Variants in DAB2IP observed in about 807,000 individuals in gnomAD.
The protein encoded by DAB2IP is DAB2 interacting protein.
DAB2IP carries 28 observed loss-of-function variants against 107.2 expected under a neutral mutation model. The observed-to-expected ratio is 0.26, with a 90% CI of 0.19 to 0.36. DAB2IP has a LOEUF of 0.36. DAB2IP is among the 10% of genes least tolerant of loss of function. The pLI, the probability that DAB2IP is intolerant of heterozygous loss-of-function variation, is 1.00. For missense variants in DAB2IP, 1,400 were observed against 1,644.7 expected (o/e 0.85, Z 2.57); for synonymous variants, 755 against 706.4 (o/e 1.07, Z -1.09).
intron 1 of DAB2IP, among the ~76,000 whole-genome samples, chr9:121,639,386 C>A (rs1376209659): frequency 6.6e-6 from 1 of 152,240 alleles, no homozygotes; most frequent in African/African-American, 2.4e-5. Context: ...GCTGTATTGC[C>A]TCAGATGGGA....
Position 121,635,787 on chromosome 9 carries a change from C to T in DAB2IP, c.41-42891C>T, listed in dbSNP as rs1004752306. Among the ~76,000 whole-genome samples, 1 of 151,992 alleles carries T rather than the reference C, an allele frequency of 6.6e-6. No individual in the cohort carries two copies. The highest frequency in any genetic ancestry group is 1.5e-5 in the Non-Finnish European group (1 of 67,994). On this transcript the variant is annotated intron_variant, in intron 1 of 16. Coordinates refer to the DAB2IP transcript ENST00000259371. This position sits in a 1 kb window ranked among gnomAD's most constrained non-coding sequence, Gnocchi z 4.3. ...CCAGCCCCACGCAGAGCCTTAAAGA[C>T]GCAGCCATGGGCATCCCCTGCAGGG...
chr9:121,689,402 G>T (rs923183652), intron 2 of DAB2IP, among the ~76,000 whole-genome samples: 4 of 152,046 alleles, frequency 2.6e-5, no homozygotes, highest in African/African-American at 9.7e-5. Flanking sequence ...TCACCCAGGA[G>T]AAATAGCCTA....
chr9:121,760,468 C>T lies in DAB2IP; in HGVS notation c.1170+29C>T, dbSNP rs576375444. On this transcript the variant is annotated intron_variant, in intron 6 of 15. Coordinates refer to ENST00000408936, the Ensembl canonical transcript of DAB2IP. The surrounding 1 kb of genome is among the most constrained non-coding windows in gnomAD (Gnocchi z 5.9). Reference sequence around the variant, plus strand: ...CGTGCAGGCCCCTCGGCTCCTGACACAGGCTGGGCGGCAGCACTGGGTTAC... The same window carrying T: ...CGTGCAGGCCCCTCGGCTCCTGACATAGGCTGGGCGGCAGCACTGGGTTAC... The T allele has an allele frequency of 1.9e-6, 3 of 1,549,138 alleles. No homozygotes were observed. The highest frequency in any genetic ancestry group is 2.6e-6 in the Non-Finnish European group (3 of 1,152,572).
intron 2 of DAB2IP, among the ~76,000 whole-genome samples, chr9:121,697,645 C>T (rs1421026235): frequency 6.6e-6 from 1 of 152,158 alleles, no homozygotes; most frequent in Non-Finnish European, 1.5e-5. Context: ...ATATTTGTGG[C>T]GGCTGATTAG....
At chr9:121,744,130 C>A (rs1040715629) in intron 3 of DAB2IP, among the ~76,000 whole-genome samples, 4 of 152,148 alleles carry the variant, frequency 2.6e-5, no homozygotes, top group African/African-American at 9.7e-5. Context: ...GTGGCCGAAC[C>A]TTTGGCTGGC....
At chr9:121,697,808 A>G (rs1034231161) in intron 2 of DAB2IP, among the ~76,000 whole-genome samples, 1 of 152,206 alleles carries the variant, frequency 6.6e-6, no homozygotes, top group African/African-American at 2.4e-5. Context: ...TCCTGTGGAT[A>G]TGAATGGCTG....
intron 10 of DAB2IP, among the ~76,000 whole-genome samples, chr9:121,770,150 C>G (rs564734354): frequency 2.6e-5 from 4 of 152,184 alleles, no homozygotes; most frequent in Non-Finnish European, 5.9e-5. Context: ...CAGGCCCCAG[C>G]CCATCCCGTG....
chr9:121,586,544 A>G (rs1375776287), intron 1 of DAB2IP, among the ~76,000 whole-genome samples: 2 of 152,102 alleles, frequency 1.3e-5, no homozygotes, highest in Non-Finnish European at 2.9e-5. Flanking sequence ...GAAACCTGTT[A>G]TGCAGCCTGA....
intron 1 of DAB2IP, among the ~76,000 whole-genome samples, chr9:121,584,744 G>A (rs974779733): frequency 2.0e-5 from 3 of 152,232 alleles, no homozygotes; most frequent in Non-Finnish European, 2.9e-5. Flanking sequence ...AGTGGGAAGC[G>A]GGGCGCAGAG....
chr9:121,694,066 G>C (rs538975137), intron 2 of DAB2IP, among the ~76,000 whole-genome samples: 1 of 152,296 alleles, frequency 6.6e-6, no homozygotes, highest in East Asian at 1.9e-4. Flanking sequence ...GGGAGCCCCT[G>C]TGGGACAGCT....
At chr9:121,653,704 A>G (rs908576860) in intron 1 of DAB2IP, among the ~76,000 whole-genome samples, 3 of 151,292 alleles carry the variant, frequency 2.0e-5, no homozygotes, top group African/African-American at 7.3e-5. Flanking sequence ...GCCCAGTTCC[A>G]TCCCTGACTG....
chr9:121,769,384 C>T (rs77228983), intron 10 of DAB2IP, among the ~76,000 whole-genome samples: 2,801 of 152,330 alleles, frequency 0.018, 56 homozygotes, highest in Middle Eastern at 0.031. Flanking sequence ...GGCGCACACA[C>T]ATAGAGCTCT....
At chr9:121,641,909 C>CTTTCTTTCTTTCTTT (rs1832312474) in intron 1 of DAB2IP, among the ~76,000 whole-genome samples, 1 of 131,480 alleles carries the variant, frequency 7.6e-6, no homozygotes, top group Admixed American at 7.8e-5. Context: ...TTCTTTCTTT[C>CTTTCTTTCTTTCTTT]TTTCTTTCTT....
At position 121,782,225 on chromosome 9, in the gene DAB2IP, G is replaced by A; in HGVS notation, c.3403-106G>A. The A allele has an allele frequency of 2.0e-6, 3 of 1,509,982 alleles. No individual in the cohort carries two copies. The highest frequency in any genetic ancestry group is 1.4e-5 in the African/African-American group (1 of 72,168). The allele number at this position is 1,509,982 out of a possible 1,614,324, so 93.5% of individuals were successfully genotyped here. On this transcript the variant is annotated intron_variant, in intron 15 of 15. Coordinates refer to ENST00000408936, the Ensembl canonical transcript of DAB2IP. The surrounding 1 kb of genome is among the most constrained non-coding windows in gnomAD (Gnocchi z 6.1). ...GCTGCTCACAGCCCGGAGCCTGCCTGCCACCCTCATCTCCAGGCCACCCCC... is the reference window on the plus strand; with the variant it reads ...GCTGCTCACAGCCCGGAGCCTGCCTACCACCCTCATCTCCAGGCCACCCCC...
At chr9:121,722,404 C>T (rs1589582699) in intron 3 of DAB2IP, among the ~76,000 whole-genome samples, 1 of 152,182 alleles carries the variant, frequency 6.6e-6, no homozygotes, top group South Asian at 2.1e-4. Context: ...TCGGGGCCTG[C>T]AGTTATGACT....
chr9:121,637,169 G>A (rs1248164240), intron 1 of DAB2IP, among the ~76,000 whole-genome samples: 1 of 152,212 alleles, frequency 6.6e-6, no homozygotes, highest in African/African-American at 2.4e-5. Flanking sequence ...TAGTGTCTCT[G>A]AGGCTTGATT....
At chr9:121,783,738 C>A in exon 16 of DAB2IP, 2 of 763,606 alleles carry the variant, frequency 2.6e-6, no homozygotes, top group Admixed American at 2.2e-5. Context: ...AGGACCCAGG[C>A]GCTGCATACA....
At chr9:121,771,549 G>C (rs1211151939) in intron 11 of DAB2IP, among the ~76,000 whole-genome samples, 1 of 152,082 alleles carries the variant, frequency 6.6e-6, no homozygotes, top group African/African-American at 2.4e-5. Flanking sequence ...CATTGGGTCT[G>C]TTCAGTGAGT....
At chr9:121,785,147 C>T (rs2119055565) in exon 16 of DAB2IP, 1 of 152,762 alleles carries the variant, frequency 6.5e-6, no homozygotes, top group Middle Eastern at 3.4e-3. Flanking sequence ...TTTCCGACTG[C>T]CCAGAAAGTG....
Sources: allele counts gnomAD v4.1 joint callset (sites outside exome capture counted in the v4.1 genomes callset), GRCh38; gene constraint gnomAD v4.1.1; non-coding constraint Gnocchi (gnomAD v3.1); transcripts MANE v1.5; gene names NCBI Gene and HGNC (gene_info 2026-07-23, HGNC 2026-07-21).